Variants in SLC6A4 observed in about 807,000 individuals in gnomAD.
SLC6A4 encodes the protein solute carrier family 6 member 4, also known as sodium-dependent serotonin transporter.
Under a neutral mutation model 73.4 loss-of-function variants are expected in SLC6A4, and 22 were observed. The ratio of observed to expected loss-of-function variants is 0.30; its 90% CI spans 0.21 to 0.43. The LOEUF is 0.43. Among genes scored for constraint, SLC6A4 ranks in the 20% least tolerant of loss-of-function variants. The pLI is 1.00. For missense variants in SLC6A4, 593 were observed against 808.5 expected (o/e 0.73, Z 3.23); for synonymous variants, 270 against 315.5 (o/e 0.86, Z 1.53).
intron 13 of SLC6A4, chr17:30,203,619 G>T: frequency 2.5e-6 from 1 of 397,056 alleles, no homozygotes; most frequent in Non-Finnish European, 4.7e-6. Context: ...CTACAGTCGG[G>T]GCTGAAGCCT....
chr17:30,203,304 T>C lies in SLC6A4; in HGVS notation c.1686A>G (p.Gln562=). 1.2e-6 allele frequency: 2 copies of C among 1,614,082 alleles called. No homozygotes were observed. The highest frequency in any genetic ancestry group is 1.7e-6 in the Non-Finnish European group (2 of 1,179,996). The change falls in exon 14 of 15, where the codon CAA becomes CAG. Residue 562 remains glutamine (Q), a synonymous_variant. Coordinates refer to ENST00000650711, the MANE Select transcript of SLC6A4 (RefSeq NM_001045.6). ...GATAATTATATTGGAAAAGTCGTAG[T>C]TGTGGCGGGCTCATCAGAAAACTGC... ...IICSFLMSPP[Q]LRLFQYNYPY...
intron 1 of SLC6A4, among the ~76,000 whole-genome samples, chr17:30,227,070 G>A (rs1906952752): frequency 1.3e-5 from 2 of 152,220 alleles, no homozygotes; most frequent in Admixed American, 6.5e-5. Context: ...TGTTTAGATA[G>A]CTCACATGTT....
At chr17:30,212,057 T>A (rs1161476181) in intron 9 of SLC6A4, among the ~76,000 whole-genome samples, 1 of 152,176 alleles carries the variant, frequency 6.6e-6, no homozygotes, top group Non-Finnish European at 1.5e-5. Context: ...CCTCGCCCAC[T>A]AGATGCCATC....
At chr17:30,217,030 AAGAG>A (rs543753312) in intron 6 of SLC6A4, 132 bp downstream of exon 6, 2 of 763,466 alleles carry the variant, frequency 2.6e-6, no homozygotes, top group Non-Finnish European at 4.2e-6. Context: ...AAATGCGGTG[AAGAG>A]AGAGAGGGTG....
intron 8 of SLC6A4, among the ~76,000 whole-genome samples, chr17:30,214,664 ACT>A (rs1248758592): frequency 7.9e-6 from 1 of 126,156 alleles, no homozygotes; most frequent in Non-Finnish European, 1.6e-5. Context: ...ATGGAATCTC[ACT>A]CTGTCGCCCA....
chr17:30,203,787 T>A (rs1015015933), intron 13 of SLC6A4: 1 of 164,934 alleles, frequency 6.1e-6, no homozygotes, highest in African/African-American at 2.4e-5. Context: ...CTCTGCTTTG[T>A]TTTCATTGCC....
chr17:30,226,089 AC>A (rs1906916875), intron 1 of SLC6A4, among the ~76,000 whole-genome samples: 1 of 152,232 alleles, frequency 6.6e-6, no homozygotes, highest in African/African-American at 2.4e-5. Context: ...GAAATGTTGA[AC>A]TTTGACTTCA....
chr17:30,202,701 G>A (rs1906075659), intron 14 of SLC6A4, among the ~76,000 whole-genome samples: 1 of 152,104 alleles, frequency 6.6e-6, no homozygotes, highest in African/African-American at 2.4e-5. Flanking sequence ...TAATAATTTT[G>A]ATCTAAAACT....
At chr17:30,233,879 C>A (rs1464004488) in intron 1 of SLC6A4, among the ~76,000 whole-genome samples, 2 of 152,172 alleles carry the variant, frequency 1.3e-5, no homozygotes, top group African/African-American at 4.8e-5. Flanking sequence ...CATTCCACAA[C>A]TAGGAAGGAG....
In SLC6A4 at chr17:30,194,530, C is replaced by A. The variant is rs201550806; in HGVS notation, c.*3926G>T. 28 of 152,188 alleles carry A rather than the reference C, an allele frequency of 1.8e-4. No individual in the cohort carries two copies. Among genetic ancestry groups the A allele is most frequent in the Admixed American group, 3.3e-4 (5 of 15,290 alleles). The allele number at this position is 152,188 out of a possible 1,614,324, so 9.4% of individuals were successfully genotyped here. On this transcript the variant is annotated 3_prime_UTR_variant, in exon 15 of 15. Transcript: ENST00000650711. ...CTGAAAAGTTGTATATAGATCAAAT[C>A]ATAGTTTAAAGGCCATTCACAAAAT...
chr17:30,234,248 T>C (rs1907203443), intron 1 of SLC6A4, among the ~76,000 whole-genome samples: 1 of 152,214 alleles, frequency 6.6e-6, no homozygotes, highest in Admixed American at 6.5e-5. Flanking sequence ...ATATCTGTGC[T>C]GGTGGTTATA....
intron 6 of SLC6A4, among the ~76,000 whole-genome samples, chr17:30,216,576 T>C (rs191124197): frequency 6.6e-6 from 1 of 152,178 alleles, no homozygotes; most frequent in East Asian, 1.9e-4. Flanking sequence ...CGATTATTAA[T>C]TGTGGTACTA....
intron 13 of SLC6A4, chr17:30,206,129 A>G (rs1168045251): frequency 1.3e-5 from 2 of 151,944 alleles, no homozygotes; most frequent in Non-Finnish European, 2.9e-5. Flanking sequence ...GGGACACAGA[A>G]CAGCTGGATG....
At chr17:30,227,165 T>C (rs958006727) in intron 1 of SLC6A4, among the ~76,000 whole-genome samples, 1 of 152,220 alleles carries the variant, frequency 6.6e-6, no homozygotes, top group Non-Finnish European at 1.5e-5. Context: ...TGTTGGCTGA[T>C]CCTTCCTTGC....
intron 1 of SLC6A4, among the ~76,000 whole-genome samples, chr17:30,229,769 C>T (rs1354218338): frequency 1.3e-5 from 2 of 151,830 alleles, no homozygotes; most frequent in African/African-American, 4.8e-5. Context: ...GCCTGTAATC[C>T]CAGCACTTTG....
At chr17:30,228,110 G>A (rs751164064) in intron 1 of SLC6A4, among the ~76,000 whole-genome samples, 13 of 152,178 alleles carry the variant, frequency 8.5e-5, no homozygotes, top group Non-Finnish European at 1.8e-4. Context: ...CTTCCTTCCA[G>A]AGTCATCTTT....
intron 4 of SLC6A4, among the ~76,000 whole-genome samples, 162 bp from the exon 5 acceptor site, chr17:30,218,499 G>C (rs1181308967): frequency 6.6e-6 from 1 of 152,192 alleles, no homozygotes; most frequent in Non-Finnish European, 1.5e-5. Context: ...CGTGGGAAAA[G>C]TGGCCCTGCC....
chr17:30,199,000 G>GT (rs1415677468), intron 14 of SLC6A4, among the ~76,000 whole-genome samples: 1 of 152,178 alleles, frequency 6.6e-6, no homozygotes, highest in Admixed American at 6.5e-5. Flanking sequence ...ATCAGCCACT[G>GT]TAACAGCCAG....
chr17:30,212,955 G>C, intron 8 of SLC6A4, 88 bp from the exon 9 acceptor site: 4 of 1,444,124 alleles, frequency 2.8e-6, no homozygotes, highest in African/African-American at 2.8e-5. Flanking sequence ...CCCTGCCTTA[G>C]ACAGGGCGGC....
Sources: allele counts gnomAD v4.1 joint callset (sites outside exome capture counted in the v4.1 genomes callset), GRCh38; gene constraint gnomAD v4.1.1; transcripts MANE v1.5; gene names NCBI Gene and HGNC (gene_info 2026-07-23, HGNC 2026-07-21).